CACNA1H: variants seen among roughly 807,000 people sequenced by gnomAD.
The protein encoded by CACNA1H is calcium voltage-gated channel subunit alpha1 H.
A neutral mutation model predicts 192.5 loss-of-function variants in CACNA1H; 149 were observed. That is an observed-to-expected ratio of 0.77 (90% CI 0.68 to 0.89). The LOEUF is 0.89. Ranked by LOEUF, CACNA1H falls within the 40% of genes least tolerant of loss-of-function variation. The pLI, the probability that CACNA1H is intolerant of heterozygous loss-of-function variation, is 0.00. For synonymous variants in CACNA1H, 2,202 were observed against 1,475.2 expected (o/e 1.49, Z -11.29); for missense variants, 4,257 against 3,423.5 (o/e 1.24, Z -6.08).
At chr16:1,183,465 C>T (rs958336980) in intron 2 of CACNA1H, among the ~76,000 whole-genome samples, 5 of 152,306 alleles carry the variant, frequency 3.3e-5, no homozygotes, top group South Asian at 2.1e-4. Flanking sequence ...CAGCGGCCTC[C>T]GGGGAAGGAA....
chr16:1,190,449 G>T (rs749474920), intron 2 of CACNA1H, among the ~76,000 whole-genome samples: 4 of 152,194 alleles, frequency 2.6e-5, no homozygotes, highest in Non-Finnish European at 4.4e-5. Context: ...AGCTGCCCGA[G>T]CCCCTGCTGG....
At chr16:1,193,897 C>T (rs1237601513) in intron 2 of CACNA1H, among the ~76,000 whole-genome samples, 3 of 152,064 alleles carry the variant, frequency 2.0e-5, no homozygotes, top group South Asian at 2.1e-4. Context: ...CCCCTCCTAC[C>T]GTGGCAGCTG....
At chr16:1,177,228 A>G (rs1964977342) in intron 2 of CACNA1H, among the ~76,000 whole-genome samples, 2 of 152,134 alleles carry the variant, frequency 1.3e-5, no homozygotes, top group African/African-American at 4.8e-5. Context: ...TGACTCCACC[A>G]GGGGCTGCTG....
intron 2 of CACNA1H, among the ~76,000 whole-genome samples, chr16:1,185,028 C>G (rs1176577025): frequency 6.6e-6 from 1 of 152,224 alleles, no homozygotes; most frequent in Non-Finnish European, 1.5e-5. Flanking sequence ...AACCGCATCC[C>G]CATCAGCCCT....
rs1390959975 is a variant in CACNA1H, at chr16:1,167,427, C to T, written c.299+13391C>T. On this transcript the variant is annotated intron_variant, in intron 2 of 34. Coordinates refer to ENST00000348261, the MANE Select transcript of CACNA1H (RefSeq NM_021098.3). This position sits in a 1 kb window ranked among gnomAD's most constrained non-coding sequence, Gnocchi z 4.2. ...GCACGGCATCCATCCCTCCATCCGT[C>T]CTCTGGAGAATTTCAACACCCACAC... Among the ~76,000 whole-genome samples, 4 of 152,120 alleles carry T rather than the reference C, an allele frequency of 2.6e-5. No individual in the cohort carries two copies. The highest frequency in any genetic ancestry group is 1.9e-4 in the East Asian group (1 of 5,188).
chr16:1,209,984 G>A lies in CACNA1H; in HGVS notation c.3745-51G>A, dbSNP rs1277903372. On this transcript the variant is annotated intron_variant, in intron 17 of 34. Transcript: ENST00000348261. ...GCTGAGCACAGAGGGCCCTGATGGG[G>A]GGCCGGGCAGGCAGGCGCAGGCTCT... The A allele has an allele frequency of 5.0e-6, 7 of 1,399,438 alleles. No individual in the cohort carries two copies. The East Asian group carries it at 1.0e-4, about 20-fold the overall frequency. The allele number at this position is 1,399,438 out of a possible 1,614,324, so 86.7% of individuals were successfully genotyped here. A position where few individuals can be genotyped will look rare whatever the true frequency, so the allele number is the denominator to read the frequency against.
At chr16:1,175,309 T>C (rs1311342242) in intron 2 of CACNA1H, among the ~76,000 whole-genome samples, 1 of 152,110 alleles carries the variant, frequency 6.6e-6, no homozygotes, top group Admixed American at 6.5e-5. Flanking sequence ...CCCTGCTGGG[T>C]TCTGGGGAGC....
intron 8 of CACNA1H, among the ~76,000 whole-genome samples, chr16:1,201,441 C>T (rs961598312): frequency 1.8e-4 from 27 of 152,172 alleles, no homozygotes; most frequent in Non-Finnish European, 8.8e-5. Context: ...AAGAGGGTTC[C>T]AGGTCTTTTG....
chr16:1,185,340 G>A (rs1289577423), intron 2 of CACNA1H, among the ~76,000 whole-genome samples: 2 of 152,236 alleles, frequency 1.3e-5, no homozygotes, highest in Non-Finnish European at 2.9e-5. Context: ...GTGAGTGCCC[G>A]TTTCCTTTGT....
chr16:1,214,771 A>G (rs1038340821), intron 27 of CACNA1H, among the ~76,000 whole-genome samples: 1 of 152,016 alleles, frequency 6.6e-6, no homozygotes. Flanking sequence ...CATTCACCTG[A>G]TCAGACACTT....
chr16:1,193,363 A>C (rs1966783588), intron 2 of CACNA1H, among the ~76,000 whole-genome samples: 2 of 152,236 alleles, frequency 1.3e-5, no homozygotes, highest in South Asian at 4.1e-4. Flanking sequence ...GGAGAGGCCA[A>C]GGGGCCTGGC....
At position 1,186,663 on chromosome 16, in the gene CACNA1H, C is replaced by T. The variant is rs528468660; in HGVS notation, c.300-8309C>T. ...CCTCCGTGACTCGCTCCTCCTGCCC[C>T]GTGTGCCCTGGACCTGGCTCGGTCC... On this transcript the variant is annotated intron_variant, in intron 2 of 34. Transcript: ENST00000348261. 1.6e-4 allele frequency among the ~76,000 whole-genome samples: 25 copies of T among 152,306 alleles called. No homozygotes were observed. In the East Asian group the frequency reaches 4.4e-3, roughly 27 times the overall value.
At chr16:1,177,011 C>G (rs1379779939) in intron 2 of CACNA1H, among the ~76,000 whole-genome samples, 1 of 152,126 alleles carries the variant, frequency 6.6e-6, no homozygotes, top group Non-Finnish European at 1.5e-5. Flanking sequence ...CCTGGGCAGC[C>G]TCACTCCCTC....
chr16:1,158,643 G>C (rs1412913129), intron 2 of CACNA1H, among the ~76,000 whole-genome samples: 3 of 152,228 alleles, frequency 2.0e-5, no homozygotes, highest in Non-Finnish European at 4.4e-5. Context: ...GGAGGAGGGA[G>C]GAGATGGAGC....
At position 1,195,785 on chromosome 16, in the gene CACNA1H, G is replaced by C; in HGVS notation, c.546-141G>C. 4.6e-6 allele frequency: 4 copies of C among 869,936 alleles called. No individual in the cohort carries two copies. In the South Asian group the frequency reaches 5.6e-5, roughly 12 times the overall value. 53.9% of individuals were successfully genotyped at this position (869,936 alleles called of 1,614,324 possible). A position where few individuals can be genotyped will look rare whatever the true frequency, so the allele number is the denominator to read the frequency against. On this transcript the variant is annotated intron_variant, in intron 4 of 34. Transcript: ENST00000348261. The stretch of plus-strand genomic sequence containing the variant: ...CCAAGCGTTGTGCTCCTGCTACCTC[G>C]GGGCCCTTCCTGGCCAGTACAAGGT...
chr16:1,190,174 TCTGCCGCC>T (rs1966472471), intron 2 of CACNA1H, among the ~76,000 whole-genome samples: 1 of 152,242 alleles, frequency 6.6e-6, no homozygotes, highest in South Asian at 2.1e-4. Flanking sequence ...CCCTGACCGT[TCTGCCGCC>T]CTGCAGCCAG....
chr16:1,221,720 AGG>A lies in CACNA1H; in HGVS notation c.*728_*729del, dbSNP rs1397520652. 1.1e-5 allele frequency: 16 copies of A among 1,416,746 alleles called. No homozygotes were observed. Among genetic ancestry groups the A allele is most frequent in the Non-Finnish European group, 1.5e-5 (16 of 1,054,606 alleles). The allele number at this position is 1,416,746 out of a possible 1,614,324, so 87.8% of individuals were successfully genotyped here. The stretch of plus-strand genomic sequence containing the variant: ...CTGATGCAGAAGACTCAGCTTCTCA[AGG>A]GAGAGGGAGGGGGCGGAGCGGAATA... On this transcript the variant is annotated 3_prime_UTR_variant, in exon 35 of 35. Coordinates refer to ENST00000348261, the MANE Select transcript of CACNA1H (RefSeq NM_021098.3).
In CACNA1H at chr16:1,195,434, C is replaced by T. The variant is rs776160539; in HGVS notation, c.414C>T (p.Ala138=). 6 of 1,552,824 alleles carry T rather than the reference C, an allele frequency of 3.9e-6. No homozygotes were observed. The South Asian group carries it at 4.8e-5, about 12-fold the overall frequency. ...CGSERCNILE[A]FDAFIFAFFA... is the part of the protein sequence containing the mutation. Reference sequence around the variant, plus strand: ...CCTCCTGATGCCTCCTCCCGCAGGCCTTTGACGCCTTCATTTTCGCCTTTT... The same window carrying T: ...CCTCCTGATGCCTCCTCCCGCAGGCTTTTGACGCCTTCATTTTCGCCTTTT... Residue 138 remains alanine (A), a splice_region_variant and synonymous_variant, in exon 4 of 35, where the codon GCC becomes GCT. Coordinates refer to ENST00000348261, the MANE Select transcript of CACNA1H (RefSeq NM_021098.3).
chr16:1,203,160 G>GC (rs1444844797), intron 9 of CACNA1H, among the ~76,000 whole-genome samples: 3 of 152,190 alleles, frequency 2.0e-5, no homozygotes, highest in African/African-American at 7.2e-5. Context: ...CCCAGGGCGT[G>GC]CAGACGAGTG....
Sources: allele counts gnomAD v4.1 joint callset (sites outside exome capture counted in the v4.1 genomes callset), GRCh38; gene constraint gnomAD v4.1.1; non-coding constraint Gnocchi (gnomAD v3.1); transcripts MANE v1.5; gene names NCBI Gene and HGNC (gene_info 2026-07-23, HGNC 2026-07-21).